MLLT10: variants seen among roughly 807,000 people sequenced by gnomAD.
The protein encoded by MLLT10 is protein AF-10.
A neutral mutation model predicts 129.1 loss-of-function variants in MLLT10; 30 were observed. The ratio of observed to expected loss-of-function variants is 0.23; its 90% CI spans 0.17 to 0.32. The LOEUF is 0.32. Among genes scored for constraint, MLLT10 ranks in the 10% least tolerant of loss-of-function variants. MLLT10 has a pLI of 1.00. For missense variants in MLLT10, 1,119 were observed against 1,268.3 expected (o/e 0.88, Z 1.79); for synonymous variants, 490 against 446.4 (o/e 1.10, Z -1.23).
chr10:21,548,623 C>T (rs2036483291), intron 3 of MLLT10, among the ~76,000 whole-genome samples: 1 of 152,136 alleles, frequency 6.6e-6, no homozygotes, highest in South Asian at 2.1e-4. Flanking sequence ...CTCACCTTTG[C>T]CTCCCAAAAT....
At chr10:21,612,100 A>G (rs2044717697) in intron 5 of MLLT10, among the ~76,000 whole-genome samples, 2 of 152,178 alleles carry the variant, frequency 1.3e-5, no homozygotes, top group Admixed American at 1.3e-4. Flanking sequence ...CCTGTCTTGC[A>G]AAGTTTGTGA....
chr10:21,621,281 G>GTA, intron 8 of MLLT10, among the ~76,000 whole-genome samples: 1 of 135,488 alleles, frequency 7.4e-6, no homozygotes, highest in East Asian at 2.2e-4. Context: ...GTCTCGCTCT[G>GTA]TTGCCTAGGC....
chr10:21,559,774 A>G (rs2038567220), intron 3 of MLLT10, among the ~76,000 whole-genome samples: 1 of 152,214 alleles, frequency 6.6e-6, no homozygotes, highest in African/African-American at 2.4e-5. Flanking sequence ...AGCATGTACC[A>G]GAATTTGAAT....
chr10:21,673,882 AC>A lies in MLLT10; in HGVS notation c.1585del (p.Gln529ArgfsTer33). On this transcript the variant is annotated frameshift_variant, in exon 11 of 23. Transcript: ENST00000307729. LOFTEE classifies it high-confidence loss of function. ...SPTLLRNGSL[Q>X]SLSVGSSPVG... The stretch of plus-strand genomic sequence containing the variant: ...CTACATTGCTCAGGAATGGAAGTTT[AC>A]AGAGCCTCAGTGTTGGCTCATCTCC... 6.2e-7 allele frequency: 1 copy of A among 1,611,438 alleles called. No homozygotes were observed. Among genetic ancestry groups the A allele is most frequent in the Non-Finnish European group, 8.5e-7 (1 of 1,178,772 alleles).
At chr10:21,731,400 C>T (rs1312276600) in intron 17 of MLLT10, among the ~76,000 whole-genome samples, 3 of 151,976 alleles carry the variant, frequency 2.0e-5, no homozygotes, top group Admixed American at 6.6e-5. Flanking sequence ...GGACCACTGC[C>T]TGGCTCATAC....
chr10:21,624,877 G>C (rs1041682350), intron 8 of MLLT10: 13 of 1,155,466 alleles, frequency 1.1e-5, no homozygotes, highest in African/African-American at 9.3e-5. Flanking sequence ...CTACAGCCTC[G>C]TGGTGGTCCC....
chr10:21,566,364 T>A (rs2039567247), intron 3 of MLLT10, among the ~76,000 whole-genome samples: 3 of 147,860 alleles, frequency 2.0e-5, no homozygotes, highest in Non-Finnish European at 3.0e-5. Context: ...AAAGTCTTAC[T>A]CTTGCCCAGG....
chr10:21,724,496 G>T (rs2057343861), intron 14 of MLLT10, among the ~76,000 whole-genome samples: 1 of 152,204 alleles, frequency 6.6e-6, no homozygotes, highest in African/African-American at 2.4e-5. Context: ...CTTTACGATA[G>T]AAGTGCTTTA....
intron 13 of MLLT10, chr10:21,708,509 G>C: frequency 1.1e-6 from 1 of 924,862 alleles, no homozygotes; most frequent in Non-Finnish European, 1.3e-6. Context: ...GAAAGATTTA[G>C]AATTTTAAGC....
At chr10:21,586,685 G>C (rs1044595519) in intron 4 of MLLT10, among the ~76,000 whole-genome samples, 23 of 151,940 alleles carry the variant, frequency 1.5e-4, no homozygotes, top group African/African-American at 5.5e-4. Context: ...GTCAGGAGTC[G>C]AGACCAGCCT....
At chr10:21,675,513 G>A (rs967816715) in intron 11 of MLLT10, among the ~76,000 whole-genome samples, 4 of 152,212 alleles carry the variant, frequency 2.6e-5, no homozygotes, top group Non-Finnish European at 2.9e-5. Flanking sequence ...GTAAATTGTA[G>A]TGAGAAAGAA....
At chr10:21,717,647 CTCCTCT>C (rs1671302739) in intron 14 of MLLT10, among the ~76,000 whole-genome samples, 2 of 127,834 alleles carry the variant, frequency 1.6e-5, no homozygotes, top group African/African-American at 3.0e-5. Context: ...CCTTTTCCTC[CTCCTCT>C]TCCTCCTCCT....
intron 13 of MLLT10, chr10:21,688,611 CCCATACAAA>C: frequency 7.7e-7 from 1 of 1,301,886 alleles, no homozygotes; most frequent in South Asian, 1.3e-5. Context: ...TGGAAACCTT[CCCATACAAA>C]CCAGTGTTAG....
intron 9 of MLLT10, chr10:21,669,005 G>A (rs766884436): frequency 2.3e-5 from 32 of 1,378,582 alleles, no homozygotes; most frequent in Non-Finnish European, 3.0e-5. Context: ...GAGGTGGGGT[G>A]GTTTCCAAAT....
intron 13 of MLLT10, among the ~76,000 whole-genome samples, chr10:21,690,073 G>A (rs774908907): frequency 1.3e-5 from 2 of 151,958 alleles, no homozygotes; most frequent in Non-Finnish European, 1.5e-5. Context: ...TTGAAACTAG[G>A]CCACTTAGGG....
chr10:21,670,478 A>G lies in MLLT10; in HGVS notation c.825A>G (p.Ile275Met), dbSNP rs529826847. 19 of 1,613,892 alleles carry G rather than the reference A, an allele frequency of 1.2e-5. No homozygotes were observed. In the African/African-American group the frequency reaches 1.7e-4, roughly 15 times the overall value. The change falls in exon 10 of 23, where the codon ATA (isoleucine) becomes ATG (methionine). Residue 275 changes from isoleucine (I) to methionine (M), a missense_variant. This residue lies in a region of MLLT10 where 1,004 missense variants were observed against 1,008.7 expected (regional missense o/e 1.00). Coordinates refer to ENST00000307729, the MANE Select transcript of MLLT10 (RefSeq NM_001195626.3). Reference sequence around the variant, plus strand: ...ATACAAGCACTAGCAACAACTCTATATCTGGATCATTGAAGCGCTTGGAAG... The same window carrying G: ...ATACAAGCACTAGCAACAACTCTATGTCTGGATCATTGAAGCGCTTGGAAG... ...KTYTSTSNNS[I>M]SGSLKRLEDT...
chr10:21,558,230 C>T (rs1457634292), intron 3 of MLLT10, among the ~76,000 whole-genome samples: 4 of 151,902 alleles, frequency 2.6e-5, no homozygotes, highest in Non-Finnish European at 5.9e-5. Flanking sequence ...GGACTACAGG[C>T]GTGAGCCACT....
At position 21,673,600 on chromosome 10, in the gene MLLT10, A is replaced by T; in HGVS notation, c.1302A>T (p.Glu434Asp). The T allele has an allele frequency of 6.2e-7, 1 of 1,613,460 alleles. No homozygotes were observed. The highest frequency in any genetic ancestry group is 8.5e-7 in the Non-Finnish European group (1 of 1,179,854). The change falls in exon 11 of 23, where the codon GAA becomes GAT. Residue 434 changes from glutamate to aspartate, a missense_variant. Physicochemically the swap from Glu to Asp is conservative, Grantham distance 45. This residue lies in a region of MLLT10 where 1,004 missense variants were observed against 1,008.7 expected (regional missense o/e 1.00). Transcript: ENST00000307729. ...SAVTSQPKSFENSPGDLGNSS... is the reference protein window; with the variant it reads ...SAVTSQPKSFDNSPGDLGNSS... ...TTACTTCACAGCCTAAAAGCTTTGAAAATTCACCTGGAGATTTGGGTAATT... is the reference window on the plus strand; with the variant it reads ...TTACTTCACAGCCTAAAAGCTTTGATAATTCACCTGGAGATTTGGGTAATT...
chr10:21,722,830 T>A (rs753712414), intron 14 of MLLT10, among the ~76,000 whole-genome samples: 1 of 152,174 alleles, frequency 6.6e-6, no homozygotes, highest in South Asian at 2.1e-4. Flanking sequence ...GTGACAGTCA[T>A]TTGTGTAGTC....
Sources: allele counts gnomAD v4.1 joint callset (sites outside exome capture counted in the v4.1 genomes callset), GRCh38; gene constraint gnomAD v4.1.1; regional missense constraint gnomAD v4.1.1; transcripts MANE v1.5; gene names NCBI Gene and HGNC (gene_info 2026-07-23, HGNC 2026-07-21).